Variants in SLIT2 observed in about 807,000 individuals in gnomAD.
SLIT2 encodes slit guidance ligand 2, also known as slit homolog 2 protein.
SLIT2 carries 41 observed loss-of-function variants against 185.7 expected under a neutral mutation model. The ratio of observed to expected loss-of-function variants is 0.22; its 90% CI spans 0.17 to 0.29. SLIT2 has a LOEUF of 0.29. Ranked by LOEUF, SLIT2 falls within the 10% of genes least tolerant of loss-of-function variation. The probability of loss-of-function intolerance (pLI) is 1.00; values close to 1 mark genes in which losing one functional copy is unlikely to be tolerated. For synonymous variants in SLIT2, 693 were observed against 680.2 expected (o/e 1.02, Z -0.29); for missense variants, 1,571 against 1,909.0 (o/e 0.82, Z 3.30).
chr4:20,533,186 A>G (rs190125547), intron 17 of SLIT2, among the ~76,000 whole-genome samples: 8 of 152,376 alleles, frequency 5.3e-5, no homozygotes, highest in African/African-American at 1.4e-4. Flanking sequence ...TAGCCCATCT[A>G]TCTCCACCTA....
chr4:20,418,413 A>G (rs1727877068), intron 4 of SLIT2, among the ~76,000 whole-genome samples: 1 of 152,214 alleles, frequency 6.6e-6, no homozygotes, highest in South Asian at 2.1e-4. Context: ...AGTTTTCTCC[A>G]TTATACATAG....
intron 25 of SLIT2, 74 bp downstream of exon 25, chr4:20,550,972 C>G: frequency 1.3e-6 from 1 of 793,158 alleles, no homozygotes; most frequent in Non-Finnish European, 2.1e-6. Flanking sequence ...ATTCCTCTGC[C>G]AGTTATTTTA....
Position 20,488,845 on chromosome 4 carries a change from G to T in SLIT2, c.638G>T (p.Cys213Phe). The part of the protein sequence containing the change: ...TFRLHSNNLY[C>F]DCHLAWLSDW... ...CGACTGCATTCAAACAACCTGTATT[G>T]TGACTGCCACCTGGCCTGGCTCTCC... The change falls in exon 8 of 37, where the codon TGT becomes TTT. Residue 213 changes from cysteine to phenylalanine, a missense_variant. Transcript: ENST00000504154. 1 of 1,606,922 alleles carries T rather than the reference G, an allele frequency of 6.2e-7. No individual in the cohort carries two copies. Among genetic ancestry groups the T allele is most frequent in the Non-Finnish European group, 8.5e-7 (1 of 1,175,302 alleles).
chr4:20,570,124 C>G (rs1056284355), intron 29 of SLIT2, among the ~76,000 whole-genome samples: 17 of 151,936 alleles, frequency 1.1e-4, no homozygotes, highest in Non-Finnish European at 2.4e-4. Flanking sequence ...GCTGCCTTTT[C>G]TAGGGTCTTA....
chr4:20,258,004 A>G, intron 3 of SLIT2, 65 bp downstream of exon 3: 1 of 746,176 alleles, frequency 1.3e-6, no homozygotes, highest in Non-Finnish European at 2.3e-6. Flanking sequence ...CTTAAATTTC[A>G]AGCATCATGT....
rs556212140 is a variant in SLIT2, at chr4:20,361,103, T to A, written c.395+92222T>A. Among the ~76,000 whole-genome samples the A allele has an allele frequency of 7.0e-4, 106 of 152,076 alleles. No homozygotes were observed. The South Asian group carries it at 0.015, about 21-fold the overall frequency. ...ACATCCTTTGTTTTACAGAATTTTT[T>A]AAAAACCTTAGTAGAATTTTTCTTT... On this transcript the variant is annotated intron_variant, in intron 4 of 36. Transcript: ENST00000504154.
At chr4:20,327,100 T>G (rs902677871) in intron 4 of SLIT2, among the ~76,000 whole-genome samples, 10 of 152,020 alleles carry the variant, frequency 6.6e-5, no homozygotes, top group Non-Finnish European at 1.2e-4. Flanking sequence ...TTATTCATAT[T>G]CTTTCCAGAT....
At chr4:20,396,255 A>T (rs527674273) in intron 4 of SLIT2, among the ~76,000 whole-genome samples, 11 of 152,086 alleles carry the variant, frequency 7.2e-5, no homozygotes, top group African/African-American at 2.6e-4. Flanking sequence ...TATGTGCAAG[A>T]TACTGTCATC....
intron 30 of SLIT2, among the ~76,000 whole-genome samples, chr4:20,590,531 T>C (rs1346260617): frequency 1.3e-5 from 2 of 152,238 alleles, no homozygotes; most frequent in Non-Finnish European, 2.9e-5. Context: ...CCTGTGATGA[T>C]CACTGTAGTT....
chr4:20,604,210 C>A (rs1406515542), intron 33 of SLIT2, among the ~76,000 whole-genome samples: 1 of 152,184 alleles, frequency 6.6e-6, no homozygotes, highest in Non-Finnish European at 1.5e-5. Flanking sequence ...TCTCACTGTA[C>A]AGTATGTTCA....
At chr4:20,542,879 A>G (rs1396942612) in intron 21 of SLIT2, among the ~76,000 whole-genome samples, 2 of 134,928 alleles carry the variant, frequency 1.5e-5, no homozygotes, top group Admixed American at 7.8e-5. Flanking sequence ...AAGATTTCTC[A>G]GTGCCTTTAC....
At position 20,467,735 on chromosome 4, in the gene SLIT2, G is replaced by T. The variant is rs761361634; in HGVS notation, c.396-17G>T. On this transcript the variant is annotated splice_polypyrimidine_tract_variant and intron_variant, in intron 4 of 36. Transcript: ENST00000504154. ...AATATTTTCTAACGTGATCCTTTTT[G>T]TTGTTGTTGTTTTTAGTGATCTCAG... 61 of 1,494,544 alleles carry T rather than the reference G, an allele frequency of 4.1e-5. No homozygotes were observed. In the South Asian group the frequency reaches 6.3e-4, roughly 15 times the overall value. 92.6% of individuals were successfully genotyped at this position (1,494,544 alleles called of 1,614,324 possible).
intron 11 of SLIT2, among the ~76,000 whole-genome samples, chr4:20,519,160 A>G (rs1275534123): frequency 6.6e-6 from 1 of 152,176 alleles, no homozygotes. Context: ...CATATATAAA[A>G]TGTTCTTTAT....
At chr4:20,310,645 CTT>C (rs926618800) in intron 4 of SLIT2, among the ~76,000 whole-genome samples, 9 of 152,164 alleles carry the variant, frequency 5.9e-5, no homozygotes, top group Admixed American at 6.5e-5. Context: ...CTTTCAGTGA[CTT>C]TGCCCCAATT....
At chr4:20,380,916 G>A (rs1724454297) in intron 4 of SLIT2, among the ~76,000 whole-genome samples, 1 of 152,028 alleles carries the variant, frequency 6.6e-6, no homozygotes, top group Non-Finnish European at 1.5e-5. Flanking sequence ...CAATGAACAA[G>A]AAACAGAAGA....
chr4:20,619,024 G>A lies in SLIT2; in HGVS notation c.*15G>A, dbSNP rs1232746605. The A allele has an allele frequency of 6.2e-7, 1 of 1,603,210 alleles. No individual in the cohort carries two copies. Among genetic ancestry groups the A allele is most frequent in the Admixed American group, 1.7e-5 (1 of 59,876 alleles). ...GTGTGTCCTAAACACACTCCCGGCAGCTCTGTCTTTGGAAAAGGTTGTATA... is the reference window on the plus strand; with the variant it reads ...GTGTGTCCTAAACACACTCCCGGCAACTCTGTCTTTGGAAAAGGTTGTATA... On this transcript the variant is annotated 3_prime_UTR_variant, in exon 37 of 37. Coordinates refer to ENST00000504154, the MANE Select transcript of SLIT2 (RefSeq NM_004787.4).
chr4:20,526,646 T>C (rs1197320573), intron 15 of SLIT2, among the ~76,000 whole-genome samples: 1 of 152,190 alleles, frequency 6.6e-6, no homozygotes, highest in East Asian at 1.9e-4. Context: ...TATTCTGATA[T>C]AGTTTTTCCC....
chr4:20,566,095 A>C (rs1344591522), intron 26 of SLIT2, among the ~76,000 whole-genome samples: 1 of 152,032 alleles, frequency 6.6e-6, no homozygotes, highest in Non-Finnish European at 1.5e-5. Flanking sequence ...TGTGAGTAGA[A>C]GTTATATAGC....
chr4:20,529,769 C>A (rs1288302236), intron 16 of SLIT2, among the ~76,000 whole-genome samples: 5 of 152,178 alleles, frequency 3.3e-5, no homozygotes, highest in Non-Finnish European at 7.4e-5. Context: ...AAGAAGAGGA[C>A]CTTTAATGTT....
Sources: allele counts gnomAD v4.1 joint callset (sites outside exome capture counted in the v4.1 genomes callset), GRCh38; gene constraint gnomAD v4.1.1; transcripts MANE v1.5; gene names NCBI Gene and HGNC (gene_info 2026-07-23, HGNC 2026-07-21).